CACNA2D3: variants seen among roughly 807,000 people sequenced by gnomAD.
CACNA2D3 encodes the protein voltage-dependent calcium channel subunit alpha-2/delta-3.
Under a neutral mutation model 160.6 loss-of-function variants are expected in CACNA2D3, and 60 were observed. That is an observed-to-expected ratio of 0.37 (90% CI 0.30 to 0.46). CACNA2D3 has a LOEUF of 0.46. CACNA2D3 is among the 20% of genes least tolerant of loss of function. CACNA2D3 has a pLI of 1.00. For synonymous variants in CACNA2D3, 558 were observed against 492.9 expected (o/e 1.13, Z -1.75); for missense variants, 1,205 against 1,365.0 (o/e 0.88, Z 1.85).
chr3:54,955,704 C>T (rs1575405172), intron 27 of CACNA2D3, among the ~76,000 whole-genome samples: 3 of 152,234 alleles, frequency 2.0e-5, no homozygotes, highest in East Asian at 3.9e-4. Context: ...CAGCCTGGCT[C>T]TCCCCTGAGG....
intron 2 of CACNA2D3, among the ~76,000 whole-genome samples, chr3:54,138,760 G>A (rs902049959): frequency 2.0e-5 from 3 of 152,318 alleles, no homozygotes; most frequent in Middle Eastern, 3.4e-3. Context: ...CCAAGATCAC[G>A]AAGCTAGTGA....
intron 32 of CACNA2D3, among the ~76,000 whole-genome samples, chr3:55,005,536 A>T (rs1449640623): frequency 6.6e-6 from 1 of 152,118 alleles, no homozygotes; most frequent in Non-Finnish European, 1.5e-5. Context: ...TCCCATTTTG[A>T]TCACAGGTAT....
At chr3:54,222,290 A>G (rs1324548446) in intron 2 of CACNA2D3, among the ~76,000 whole-genome samples, 1 of 152,114 alleles carries the variant, frequency 6.6e-6, no homozygotes, top group Non-Finnish European at 1.5e-5. Context: ...CTGGTGATCT[A>G]TTTCTTTCTG....
chr3:54,687,522 G>A (rs941303422), intron 11 of CACNA2D3, among the ~76,000 whole-genome samples: 12 of 152,128 alleles, frequency 7.9e-5, no homozygotes, highest in Non-Finnish European at 1.2e-4. Context: ...TAGATAGAAG[G>A]GGAAACAGGA....
chr3:54,647,129 C>A (rs1699667364), intron 11 of CACNA2D3, among the ~76,000 whole-genome samples: 1 of 152,182 alleles, frequency 6.6e-6, no homozygotes, highest in Admixed American at 6.5e-5. Context: ...GATGAAAACA[C>A]AGCCCAGTTA....
At chr3:54,450,389 T>C (rs749319108) in intron 4 of CACNA2D3, among the ~76,000 whole-genome samples, 3 of 152,114 alleles carry the variant, frequency 2.0e-5, no homozygotes, top group Non-Finnish European at 2.9e-5. Context: ...CTTAATCCAT[T>C]CCAGCATCGA....
At chr3:54,692,250 A>C (rs1700585492) in intron 11 of CACNA2D3, among the ~76,000 whole-genome samples, 1 of 152,222 alleles carries the variant, frequency 6.6e-6, no homozygotes, top group Non-Finnish European at 1.5e-5. Flanking sequence ...CTGGGATTAC[A>C]GGCATGTGTG....
At chr3:54,432,189 A>G (rs1261399069) in intron 4 of CACNA2D3, among the ~76,000 whole-genome samples, 1 of 152,208 alleles carries the variant, frequency 6.6e-6, no homozygotes, top group African/African-American at 2.4e-5. Flanking sequence ...ATATACATCT[A>G]AAAGCCTGTA....
chr3:54,710,146 T>C (rs3868872), intron 11 of CACNA2D3, among the ~76,000 whole-genome samples: 33,496 of 152,062 alleles, frequency 0.22, 3,924 homozygotes, highest in Admixed American at 0.29. Flanking sequence ...TTAGCACCTA[T>C]GAATAGCACA....
intron 25 of CACNA2D3, among the ~76,000 whole-genome samples, chr3:54,893,532 A>T (rs915349970): frequency 3.9e-5 from 6 of 152,096 alleles, no homozygotes; most frequent in Non-Finnish European, 7.4e-5. Context: ...AGCTATTTGG[A>T]TACACTCTCT....
At chr3:54,290,800 A>T (rs560257448) in intron 2 of CACNA2D3, among the ~76,000 whole-genome samples, 2 of 152,240 alleles carry the variant, frequency 1.3e-5, no homozygotes, top group African/African-American at 4.8e-5. Flanking sequence ...TCAGCAAACT[A>T]TCGCAAGGAT....
chr3:54,180,100 CT>C (rs5849033), intron 2 of CACNA2D3, among the ~76,000 whole-genome samples: 149 of 127,774 alleles, frequency 1.2e-3, no homozygotes, highest in African/African-American at 2.6e-3. Flanking sequence ...TGTCTTTTGC[CT>C]TTTTTTTTTT....
At chr3:54,432,221 A>G (rs1046815442) in intron 4 of CACNA2D3, among the ~76,000 whole-genome samples, 8 of 152,210 alleles carry the variant, frequency 5.3e-5, no homozygotes, top group African/African-American at 1.9e-4. Flanking sequence ...TAATAGGATT[A>G]TAGCTATCTC....
chr3:54,267,647 T>G (rs1575355384), intron 2 of CACNA2D3, among the ~76,000 whole-genome samples: 1 of 152,330 alleles, frequency 6.6e-6, no homozygotes, highest in East Asian at 1.9e-4. Context: ...CAGGCTGATG[T>G]TAAGGTAAAA....
At chr3:54,197,146 A>G (rs1055328078) in intron 2 of CACNA2D3, among the ~76,000 whole-genome samples, 37 of 152,236 alleles carry the variant, frequency 2.4e-4, no homozygotes, top group African/African-American at 8.9e-4. Flanking sequence ...AAGTAATGCA[A>G]TGCTCCTGCC....
intron 2 of CACNA2D3, among the ~76,000 whole-genome samples, chr3:54,317,562 A>G (rs1332436126): frequency 6.6e-6 from 1 of 151,630 alleles, no homozygotes; most frequent in Non-Finnish European, 1.5e-5. Flanking sequence ...TTTGAGACAG[A>G]GTTTTGGTCT....
intron 25 of CACNA2D3, among the ~76,000 whole-genome samples, 192 bp downstream of exon 25, chr3:54,891,642 TCCA>T (rs1413511810): frequency 6.6e-6 from 1 of 152,216 alleles, no homozygotes; most frequent in Admixed American, 6.5e-5. Context: ...TGTTAGCCCT[TCCA>T]CCACCCTTTG....
intron 27 of CACNA2D3, among the ~76,000 whole-genome samples, chr3:54,942,801 G>T (rs1701507146): frequency 6.6e-6 from 1 of 152,036 alleles, no homozygotes; most frequent in East Asian, 1.9e-4. Context: ...GAGGCGGGTG[G>T]ATCACAAGGT....
At chr3:54,980,892 A>G (rs1335277851) in intron 29 of CACNA2D3, among the ~76,000 whole-genome samples, 1 of 152,308 alleles carries the variant, frequency 6.6e-6, no homozygotes, top group South Asian at 2.1e-4. Flanking sequence ...AACTATCTTT[A>G]TTTCCCAAAG....
Sources: gnomAD v4.1 joint callset for allele counts (sites outside exome capture counted in the v4.1 genomes callset) on GRCh38, gnomAD v4.1.1 for gene constraint, MANE v1.5 for transcripts, NCBI Gene and HGNC (gene_info 2026-07-23, HGNC 2026-07-21) for gene names.